ARHGEF33: variants seen among roughly 807,000 people sequenced by gnomAD.
The protein encoded by ARHGEF33 is DH and coiled-coil domain-containing protein ENSP00000381780.
ARHGEF33 carries 72 observed loss-of-function variants against 101.9 expected under a neutral mutation model. That is an observed-to-expected ratio of 0.71 (90% CI 0.58 to 0.86). The LOEUF is 0.86. ARHGEF33 is among the 40% of genes least tolerant of loss of function. ARHGEF33 has a pLI of 0.00. For synonymous variants in ARHGEF33, 499 were observed against 442.5 expected (o/e 1.13, Z -1.60); for missense variants, 1,169 against 1,111.3 (o/e 1.05, Z -0.74).
intron 1 of ARHGEF33, among the ~76,000 whole-genome samples, chr2:38,891,593 C>G (rs1666000137): frequency 6.6e-6 from 1 of 152,006 alleles, no homozygotes; most frequent in South Asian, 2.1e-4. Context: ...AGGTTAAGAC[C>G]CTTAGACTTT....
chr2:38,966,105 G>C lies in ARHGEF33; in HGVS notation c.2443G>C (p.Gly815Arg), dbSNP rs1183215853. The C allele has an allele frequency of 2.6e-6, 4 of 1,551,678 alleles. No individual in the cohort carries two copies. The East Asian group carries it at 9.8e-5, about 38-fold the overall frequency. ...SDQNPRQDQK[G>R]GFRSSFRKLF... ...TCAAAATCCCAGGCAAGACCAGAAG[G>C]GGGGCTTTCGCAGCTCCTTCCGCAA... Residue 815 changes from glycine to arginine, a missense_variant, in exon 17 of 18, where the codon GGG becomes CGG. Gly to Arg is a moderately radical substitution (Grantham distance 125). Transcript: ENST00000409978.
Position 38,960,299 on chromosome 2 carries a change from A to C in ARHGEF33, c.1994A>C (p.Glu665Ala). ...CFLRPVSFAM[E>A]AERPEHPLQP... ...CTGCGGCCCGTCAGCTTCGCCATGG[A>C]GGCCGAGCGGCCGGAGCACCCGCTG... The change falls in exon 16 of 18, where the codon GAG becomes GCG. Residue 665 changes from glutamate (E) to alanine (A), a missense_variant. By Grantham distance (107) the Glu-to-Ala change is moderately radical (BLOSUM62 -1). Transcript: ENST00000409978. The C allele has an allele frequency of 1.3e-6, 2 of 1,545,880 alleles. No individual in the cohort carries two copies. Among genetic ancestry groups the C allele is most frequent in the Non-Finnish European group, 8.7e-7 (1 of 1,146,070 alleles).
intron 2 of ARHGEF33, among the ~76,000 whole-genome samples, chr2:38,915,767 C>T (rs1481160498): frequency 6.6e-6 from 1 of 152,132 alleles, no homozygotes; most frequent in African/African-American, 2.4e-5. Context: ...TGGCTCATGC[C>T]TGTAATCCCA....
chr2:38,960,648 G>T lies in ARHGEF33; in HGVS notation c.2343G>T (p.Arg781Ser). The change falls in exon 16 of 18, where the codon AGG becomes AGT. Residue 781 changes from arginine to serine, a missense_variant and splice_region_variant. Physicochemically the swap from Arg to Ser is moderately radical, Grantham distance 110. Transcript: ENST00000409978. ...SEKQTYLEVRREMHLEDTTRF... is the reference protein window; with the variant it reads ...SEKQTYLEVRSEMHLEDTTRF... ...AACAGACCTATTTGGAAGTAAGGAG[G>T]GTAAAGTAAAACCGAACCGAAACCC... 1 of 1,419,294 alleles carries T rather than the reference G, an allele frequency of 7.0e-7. No individual in the cohort carries two copies. The highest frequency in any genetic ancestry group is 1.3e-5 in the South Asian group (1 of 77,790). 87.9% of individuals were successfully genotyped at this position (1,419,294 alleles called of 1,614,324 possible).
chr2:38,972,586 CATT>C (rs1235306275), intron 17 of ARHGEF33, among the ~76,000 whole-genome samples: 2 of 152,174 alleles, frequency 1.3e-5, no homozygotes, highest in African/African-American at 4.8e-5. Flanking sequence ...GGTTTCCAGA[CATT>C]AGGGTTTTTA....
chr2:38,913,271 AT>A (rs1666553578), intron 2 of ARHGEF33, among the ~76,000 whole-genome samples: 3 of 152,186 alleles, frequency 2.0e-5, no homozygotes, highest in Admixed American at 2.0e-4. Context: ...GCGTAGATAA[AT>A]TTCTTTTGAA....
At chr2:38,970,367 A>C (rs1405565079) in intron 17 of ARHGEF33, among the ~76,000 whole-genome samples, 3 of 152,246 alleles carry the variant, frequency 2.0e-5, no homozygotes, top group Non-Finnish European at 4.4e-5. Context: ...AGACCATGTA[A>C]TAGAAAGCAG....
chr2:38,902,379 C>T (rs1052627244), intron 2 of ARHGEF33, among the ~76,000 whole-genome samples: 1 of 152,112 alleles, frequency 6.6e-6, no homozygotes, highest in East Asian at 1.9e-4. Context: ...GACGTGTTAT[C>T]CGATTCCATA....
chr2:38,916,699 C>T (rs1558426726), intron 2 of ARHGEF33, among the ~76,000 whole-genome samples: 2 of 152,056 alleles, frequency 1.3e-5, no homozygotes, highest in African/African-American at 2.4e-5. Context: ...CTGTGTGTAC[C>T]CTCCCACCCT....
chr2:38,910,994 G>T (rs1349614426), intron 2 of ARHGEF33, among the ~76,000 whole-genome samples: 1 of 152,026 alleles, frequency 6.6e-6, no homozygotes, highest in Non-Finnish European at 1.5e-5. Flanking sequence ...GGCTTCCTTG[G>T]GTATAAAATG....
At position 38,890,849 on chromosome 2, in the gene ARHGEF33, C is replaced by G. The variant is rs185063235; in HGVS notation, c.-159+863C>G. ...GTTTTTGATGCACATTTATTCTAAACATTTTTCACAAACTGAATTAATTAA... is the reference window on the plus strand; with the variant it reads ...GTTTTTGATGCACATTTATTCTAAAGATTTTTCACAAACTGAATTAATTAA... On this transcript the variant is annotated intron_variant, in intron 1 of 17. Transcript: ENST00000409978. Among the ~76,000 whole-genome samples, 134 of 152,104 alleles carry G rather than the reference C, an allele frequency of 8.8e-4. 1 individual carries two copies. Among genetic ancestry groups the G allele is most frequent in the Middle Eastern group, 3.4e-3 (1 of 290 alleles).
At chr2:38,938,456 T>C (rs2124394967) in intron 9 of ARHGEF33, among the ~76,000 whole-genome samples, 1 of 152,344 alleles carries the variant, frequency 6.6e-6, no homozygotes, top group Admixed American at 6.5e-5. Context: ...GGAGGATCAC[T>C]TGAGCTCAGG....
chr2:38,895,722 T>TA lies in ARHGEF33; in HGVS notation c.-158-51dup, dbSNP rs1208947570. 4.0e-5 allele frequency: 6 copies of TA among 151,854 alleles called. No individual in the cohort carries two copies. In the East Asian group the frequency reaches 9.6e-4, roughly 24 times the overall value. 9.4% of individuals were successfully genotyped at this position (151,854 alleles called of 1,614,324 possible). A position where few individuals can be genotyped will look rare whatever the true frequency, so the allele number is the denominator to read the frequency against. On this transcript the variant is annotated intron_variant, in intron 1 of 17. Coordinates refer to ENST00000409978, the MANE Select transcript of ARHGEF33 (RefSeq NM_001145451.5). ...AAAATTATAGGAAAAAATGATGGTA[T>TA]AAAATGCAAGGTAGCTATCATTATC...
intron 10 of ARHGEF33, among the ~76,000 whole-genome samples, chr2:38,945,644 C>G (rs1054884323): frequency 6.6e-6 from 1 of 152,236 alleles, no homozygotes; most frequent in African/African-American, 2.4e-5. Context: ...GTAATGAAAT[C>G]TAAAGGCGGT....
At chr2:38,942,605 C>G (rs1318001889) in intron 9 of ARHGEF33, among the ~76,000 whole-genome samples, 1 of 151,572 alleles carries the variant, frequency 6.6e-6, no homozygotes, top group Admixed American at 6.6e-5. Context: ...TAGCATCCTG[C>G]AATTGTTAAA....
intron 2 of ARHGEF33, among the ~76,000 whole-genome samples, chr2:38,906,029 T>C (rs1666379853): frequency 6.6e-6 from 1 of 151,932 alleles, no homozygotes; most frequent in Non-Finnish European, 1.5e-5. Context: ...AAATCACTTG[T>C]GCCCAGGAGT....
intron 2 of ARHGEF33, among the ~76,000 whole-genome samples, chr2:38,917,179 C>T (rs1426318687): frequency 4.0e-5 from 6 of 149,898 alleles, no homozygotes; most frequent in African/African-American, 1.5e-4. Context: ...GCAACCTCTG[C>T]GTCTCAGGTT....
intron 9 of ARHGEF33, 148 bp from the exon 10 acceptor site, chr2:38,943,753 C>A (rs1364302644): frequency 1.3e-6 from 1 of 793,528 alleles, no homozygotes; most frequent in African/African-American, 1.8e-5. Context: ...ATTACTGCGC[C>A]TCCATTCTGC....
chr2:38,948,609 G>T (rs1222645794), intron 10 of ARHGEF33, among the ~76,000 whole-genome samples: 1 of 152,002 alleles, frequency 6.6e-6, no homozygotes, highest in Admixed American at 6.6e-5. Flanking sequence ...GGAGGAAGGG[G>T]AATGAAGGAA....
Sources: gnomAD v4.1 joint callset for allele counts (sites outside exome capture counted in the v4.1 genomes callset) on GRCh38, gnomAD v4.1.1 for gene constraint, MANE v1.5 for transcripts, NCBI Gene and HGNC (gene_info 2026-07-23, HGNC 2026-07-21) for gene names.